The following RP1 variants were observed in gnomAD, a reference collection of about 807,000 sequenced individuals.
RP1 encodes the protein oxygen-regulated protein 1.
Under a neutral mutation model 14.8 loss-of-function variants are expected in RP1, and 16 were observed. The observed-to-expected ratio is 1.08, with a 90% CI of 0.73 to 1.65. The LOEUF (loss-of-function observed/expected upper bound fraction) is 1.65, where lower values mean the gene tolerates loss of function less well. Among genes scored for constraint, RP1 ranks in the 40% most tolerant of loss-of-function variants. RP1 has a pLI of 0.00. For synonymous variants in RP1, 876 were observed against 883.6 expected (o/e 0.99, Z 0.15); for missense variants, 2,631 against 2,535.0 (o/e 1.04, Z -0.81).
chr8:54,860,527 T>A (rs763838739), intron 27 of RP1, among the ~76,000 whole-genome samples: 4 of 152,162 alleles, frequency 2.6e-5, no homozygotes. Context: ...ATAAAATAGA[T>A]CCCTGGGCCC....
intron 25 of RP1, among the ~76,000 whole-genome samples, chr8:54,850,326 T>C (rs371178286): frequency 1.3e-5 from 2 of 152,322 alleles, no homozygotes; most frequent in South Asian, 4.1e-4. Flanking sequence ...TTGAAATCTA[T>C]CCTCGTATTT....
intron 27 of RP1, among the ~76,000 whole-genome samples, chr8:54,860,309 C>T (rs886940277): frequency 1.3e-5 from 2 of 151,748 alleles, no homozygotes; most frequent in Admixed American, 6.6e-5. Context: ...TGTGCAGGTA[C>T]GGGAGGGACA....
At chr8:54,577,850 C>G (rs983167959) in intron 1 of RP1, among the ~76,000 whole-genome samples, 1 of 152,130 alleles carries the variant, frequency 6.6e-6, no homozygotes, top group African/African-American at 2.4e-5. Flanking sequence ...GCTTTTCACA[C>G]GGTGCCTTGA....
At chr8:54,742,261 A>G (rs1347551858) in intron 19 of RP1, among the ~76,000 whole-genome samples, 2 of 152,210 alleles carry the variant, frequency 1.3e-5, no homozygotes, top group Non-Finnish European at 2.9e-5. Context: ...TTTACAGTAC[A>G]AGATATGTTA....
intron 22 of RP1, among the ~76,000 whole-genome samples, chr8:54,765,529 T>C (rs1192150709): frequency 1.3e-5 from 2 of 152,236 alleles, no homozygotes; most frequent in African/African-American, 4.8e-5. Flanking sequence ...GGTGTTAGTG[T>C]GTGGTGAATT....
At chr8:54,831,715 C>G (rs1023438161) in intron 24 of RP1, among the ~76,000 whole-genome samples, 1 of 151,586 alleles carries the variant, frequency 6.6e-6, no homozygotes, top group African/African-American at 2.4e-5. Flanking sequence ...TATATATACC[C>G]TTTTATGTAT....
At chr8:54,709,119 G>T (rs1364930268) in intron 15 of RP1, among the ~76,000 whole-genome samples, 1 of 152,166 alleles carries the variant, frequency 6.6e-6, no homozygotes, top group Admixed American at 6.5e-5. Flanking sequence ...CATTGTGGAG[G>T]ACTGAGAATA....
rs367829972 is a variant in RP1, at chr8:54,855,973, C to CACACACACA, written c.3991-1055_3991-1054insACACACACA. On this transcript the variant is annotated intron_variant, in intron 26 of 28. Coordinates refer to the RP1 transcript ENST00000637698. ...CACACACACACACACACACACACAC[C>CACACACACA]CCCTATAACCCAGCTGTTTCCCAAC... Among the ~76,000 whole-genome samples the CACACACACA allele has an allele frequency of 8.6e-4, 88 of 102,258 alleles. 2 individuals carry two copies. The highest frequency in any genetic ancestry group is 3.8e-3 in the African/African-American group (77 of 20,036). 67.1% of individuals were successfully genotyped at this position (102,258 alleles called of 152,430 possible).
intron 28 of RP1, chr8:54,866,006 T>C (rs1281197474): frequency 1.6e-5 from 8 of 486,946 alleles, no homozygotes; most frequent in Non-Finnish European, 2.6e-5. Flanking sequence ...ATCCCAGCTG[T>C]TGGACAACAT....
At chr8:54,673,307 TTCTTGGATTG>T in intron 7 of RP1, among the ~76,000 whole-genome samples, 7 of 152,268 alleles carry the variant, frequency 4.6e-5, no homozygotes, top group Admixed American at 3.3e-4. Context: ...TCATGTATTT[TTCTTGGATTG>T]AAACCTATAG....
At chr8:54,632,902 G>A (rs1332611185), downstream of RP1, among the ~76,000 whole-genome samples, 1 of 152,130 alleles carries the variant, frequency 6.6e-6, no homozygotes, top group African/African-American at 2.4e-5. Context: ...GAAGGGCTGA[G>A]TATGGAAGTG....
intron 4 of RP1, among the ~76,000 whole-genome samples, chr8:54,651,018 TG>T (rs1585581579): frequency 6.6e-6 from 1 of 151,470 alleles, no homozygotes; most frequent in African/African-American, 2.4e-5. Flanking sequence ...AATGTGCATG[TG>T]TGTGTGTGTG....
chr8:54,615,183 C>T (rs919191177), upstream of RP1, among the ~76,000 whole-genome samples: 20 of 152,196 alleles, frequency 1.3e-4, no homozygotes, highest in Non-Finnish European at 4.4e-5. Context: ...TTCTCCCCAT[C>T]CCTCCCTACT....
chr8:54,641,857 C>T (rs1563336482), intron 3 of RP1, among the ~76,000 whole-genome samples: 1 of 152,094 alleles, frequency 6.6e-6, no homozygotes, highest in Admixed American at 6.6e-5. Flanking sequence ...TGAGTGAAGA[C>T]GCTGAGAAAG....
At chr8:54,754,610 T>A (rs952108251) in intron 19 of RP1, among the ~76,000 whole-genome samples, 1 of 152,194 alleles carries the variant, frequency 6.6e-6, no homozygotes, top group Non-Finnish European at 1.5e-5. Flanking sequence ...TGTGGTTTTG[T>A]CATTAAAAGT....
At chr8:54,740,903 G>C (rs1234401344) in intron 19 of RP1, among the ~76,000 whole-genome samples, 1 of 150,832 alleles carries the variant, frequency 6.6e-6, no homozygotes, top group Non-Finnish European at 1.5e-5. Context: ...AGGCGTGGTG[G>C]CAGGCGCCTG....
chr8:54,734,989 T>C (rs529232211), intron 18 of RP1, among the ~76,000 whole-genome samples: 11 of 152,282 alleles, frequency 7.2e-5, no homozygotes, highest in African/African-American at 2.4e-4. Flanking sequence ...TTTTAGGCCA[T>C]GGGTTTGAAA....
intron 22 of RP1, among the ~76,000 whole-genome samples, chr8:54,765,006 C>T (rs1809725493): frequency 6.6e-6 from 1 of 152,082 alleles, no homozygotes. Flanking sequence ...ACTGAAGTGG[C>T]TAGTTGGCCA....
At chr8:54,680,523 A>G (rs1807401797) in intron 12 of RP1, among the ~76,000 whole-genome samples, 4 of 152,156 alleles carry the variant, frequency 2.6e-5, no homozygotes, top group Admixed American at 1.3e-4. Context: ...TATGAATTTA[A>G]CTGTACTTTA....
Sources: gnomAD v4.1 joint callset for allele counts (sites outside exome capture counted in the v4.1 genomes callset) on GRCh38, gnomAD v4.1.1 for gene constraint, MANE v1.5 for transcripts, NCBI Gene and HGNC (gene_info 2026-07-23, HGNC 2026-07-21) for gene names.